Variants in KCNH8 observed in about 807,000 individuals in gnomAD.
The protein encoded by KCNH8 is voltage-gated delayed rectifier potassium channel KCNH8.
A neutral mutation model predicts 103.6 loss-of-function variants in KCNH8; 70 were observed. The observed-to-expected ratio is 0.68, with a 90% CI of 0.56 to 0.82. The LOEUF is 0.82. Among genes scored for constraint, KCNH8 ranks in the 40% least tolerant of loss-of-function variants. KCNH8 has a pLI of 0.00. For synonymous variants in KCNH8, 498 were observed against 489.4 expected (o/e 1.02, Z -0.23); for missense variants, 1,217 against 1,329.9 (o/e 0.92, Z 1.32).
intron 3 of KCNH8, among the ~76,000 whole-genome samples, chr3:19,336,026 A>G (rs1175054416): frequency 6.6e-6 from 1 of 151,384 alleles, no homozygotes; most frequent in Non-Finnish European, 1.5e-5. Context: ...TTTTGTTTCT[A>G]TAACCTAGTT....
chr3:19,173,721 G>A (rs2063370521), intron 1 of KCNH8, among the ~76,000 whole-genome samples: 1 of 151,960 alleles, frequency 6.6e-6, no homozygotes, highest in East Asian at 1.9e-4. Context: ...TTTTTTATGA[G>A]AAAAATGAGA....
At chr3:19,356,517 T>C (rs952682980) in intron 5 of KCNH8, among the ~76,000 whole-genome samples, 1 of 152,072 alleles carries the variant, frequency 6.6e-6, no homozygotes, top group East Asian at 1.9e-4. Context: ...CATTAATTAT[T>C]TGGGATCAAC....
At chr3:19,441,654 C>T (rs1488658277) in intron 8 of KCNH8, among the ~76,000 whole-genome samples, 1 of 152,142 alleles carries the variant, frequency 6.6e-6, no homozygotes, top group Non-Finnish European at 1.5e-5. Flanking sequence ...TTGAAGTCTA[C>T]CTTGATCAAG....
At chr3:19,451,514 C>A in intron 10 of KCNH8, 110 bp downstream of exon 10, 3 of 949,572 alleles carry the variant, frequency 3.2e-6, no homozygotes, top group Admixed American at 2.1e-5. Context: ...CAGATGAAGA[C>A]ATGAACTCAG....
rs78115562 is a variant in KCNH8, at chr3:19,334,089, C to T, written c.443-8498C>T. Among the ~76,000 whole-genome samples, 535 of 152,236 alleles carry T rather than the reference C, an allele frequency of 3.5e-3. 9 individuals carry two copies. The highest frequency in any genetic ancestry group is 0.026 in the Admixed American group (394 of 15,290). ...AACTGGGTGCTCTGCAGAGTTGTCT[C>T]GAATTGGGCAGAGGCCCCTCATTAC... On this transcript the variant is annotated intron_variant, in intron 3 of 15. Coordinates refer to ENST00000328405, the MANE Select transcript of KCNH8 (RefSeq NM_144633.3).
chr3:19,420,417 C>G (rs1015909559), intron 7 of KCNH8, among the ~76,000 whole-genome samples: 12 of 152,182 alleles, frequency 7.9e-5, no homozygotes, highest in African/African-American at 2.9e-4. Context: ...AAATGGAATT[C>G]TGTCAAGGTT....
chr3:19,490,765 A>G (rs758363978), intron 11 of KCNH8, among the ~76,000 whole-genome samples: 4 of 152,196 alleles, frequency 2.6e-5, no homozygotes, highest in Non-Finnish European at 5.9e-5. Context: ...TTCTAAAGTG[A>G]GAGAGTTGGA....
Position 19,263,420 on chromosome 3 carries a change from C to A in KCNH8, c.310+9533C>A, listed in dbSNP as rs79921182. Among the ~76,000 whole-genome samples the A allele has an allele frequency of 2.8e-4, 43 of 152,178 alleles. No homozygotes were observed. In the East Asian group the frequency reaches 8.1e-3, roughly 29 times the overall value. ...TTAAGTTGGCCATGGGTGACTAATT[C>A]TTCTTCCATGTGGAGTTAGCAGAGG... On this transcript the variant is annotated intron_variant, in intron 2 of 15. Coordinates refer to ENST00000328405, the MANE Select transcript of KCNH8 (RefSeq NM_144633.3).
intron 15 of KCNH8, among the ~76,000 whole-genome samples, chr3:19,529,136 TA>T (rs1345505921): frequency 6.6e-6 from 1 of 152,064 alleles, no homozygotes; most frequent in Non-Finnish European, 1.5e-5. Flanking sequence ...ATGGAGCCAT[TA>T]AAAAATAAAG....
At chr3:19,254,778 C>G (rs1005749286) in intron 2 of KCNH8, among the ~76,000 whole-genome samples, 4 of 152,064 alleles carry the variant, frequency 2.6e-5, no homozygotes, top group African/African-American at 9.7e-5. Context: ...TAGTGCATGG[C>G]TACCAAACTA....
chr3:19,196,360 T>C (rs900636765), intron 1 of KCNH8, among the ~76,000 whole-genome samples: 25 of 151,934 alleles, frequency 1.6e-4, no homozygotes, highest in Non-Finnish European at 3.1e-4. Flanking sequence ...TGTTCGGAAG[T>C]TTCAAATTTC....
In KCNH8 at chr3:19,189,497, AT is replaced by A. The variant is rs531864441; in HGVS notation, c.76+40703del. Reference sequence around the variant, plus strand: ...TTTGGCCTTTTTGGTCTTCATAGCAATATTTTAAATAATTAGTTTTTTGAAA... The same window carrying A: ...TTTGGCCTTTTTGGTCTTCATAGCAAATTTTAAATAATTAGTTTTTTGAAA... On this transcript the variant is annotated intron_variant, in intron 1 of 15. Transcript: ENST00000328405. Among the ~76,000 whole-genome samples the A allele has an allele frequency of 5.3e-4, 81 of 152,088 alleles. No homozygotes were observed. In the East Asian group the frequency reaches 0.015, roughly 28 times the overall value.
intron 11 of KCNH8, among the ~76,000 whole-genome samples, chr3:19,495,051 G>C (rs573755818): frequency 2.6e-5 from 4 of 151,756 alleles, no homozygotes; most frequent in Admixed American, 6.6e-5. Context: ...GGGTTGTTTC[G>C]TCTTTGCTTG....
intron 1 of KCNH8, among the ~76,000 whole-genome samples, chr3:19,161,314 T>C (rs1238157423): frequency 1.3e-5 from 2 of 152,208 alleles, no homozygotes; most frequent in Non-Finnish European, 2.9e-5. Flanking sequence ...AATTACTGTA[T>C]GTAGCATTCT....
chr3:19,275,035 C>T (rs1331611133), intron 2 of KCNH8, among the ~76,000 whole-genome samples: 1 of 151,274 alleles, frequency 6.6e-6, no homozygotes, highest in African/African-American at 2.4e-5. Flanking sequence ...AATATGATCT[C>T]ATCATTCTTA....
intron 3 of KCNH8, among the ~76,000 whole-genome samples, chr3:19,334,365 G>A (rs1165877293): frequency 1.3e-5 from 2 of 152,094 alleles, no homozygotes; most frequent in Non-Finnish European, 2.9e-5. Flanking sequence ...TCAGGAGGTC[G>A]AGGCTATAGC....
chr3:19,208,441 C>T (rs1368549150), intron 1 of KCNH8, among the ~76,000 whole-genome samples: 1 of 151,944 alleles, frequency 6.6e-6, no homozygotes, highest in African/African-American at 2.4e-5. Flanking sequence ...ATTAAATTAA[C>T]ATCCTAACTC....
At chr3:19,467,022 C>T (rs2067752872) in intron 11 of KCNH8, among the ~76,000 whole-genome samples, 1 of 146,056 alleles carries the variant, frequency 6.8e-6, no homozygotes, top group Non-Finnish European at 1.5e-5. Context: ...TCTATTAATG[C>T]ACACTTAATA....
intron 2 of KCNH8, among the ~76,000 whole-genome samples, chr3:19,269,189 T>C (rs1321105891): frequency 6.6e-6 from 1 of 152,034 alleles, no homozygotes; most frequent in Non-Finnish European, 1.5e-5. Context: ...AAATAACTTA[T>C]AACTCGGACC....
Sources: allele counts gnomAD v4.1 joint callset (sites outside exome capture counted in the v4.1 genomes callset), GRCh38; gene constraint gnomAD v4.1.1; transcripts MANE v1.5; gene names NCBI Gene and HGNC (gene_info 2026-07-23, HGNC 2026-07-21).